The following SOCS4 variants were observed in gnomAD, a reference collection of about 807,000 sequenced individuals.
The protein encoded by SOCS4 is suppressor of cytokine signaling 4.
A neutral mutation model predicts 34.1 loss-of-function variants in SOCS4; 20 were observed. That is an observed-to-expected ratio of 0.59 (90% CI 0.41 to 0.85). The LOEUF is 0.85. Ranked by LOEUF, SOCS4 falls within the 40% of genes least tolerant of loss-of-function variation. SOCS4 has a pLI of 0.00. For synonymous variants in SOCS4, 180 were observed against 186.4 expected, an observed-to-expected ratio of 0.97 and a Z score of 0.28; for missense variants, 479 against 532.4, an observed-to-expected ratio of 0.90 and a Z score of 0.99.
chr14:55,030,361 A>C (rs1197223917), intron 1 of SOCS4, among the ~76,000 whole-genome samples: 1 of 152,160 alleles, frequency 6.6e-6, no homozygotes, highest in Admixed American at 6.5e-5. Flanking sequence ...TAAAGAATTT[A>C]AAACTTTTTA....
At chr14:55,030,635 A>G (rs1004680712) in intron 1 of SOCS4, among the ~76,000 whole-genome samples, 5 of 152,198 alleles carry the variant, frequency 3.3e-5, no homozygotes, top group Non-Finnish European at 7.4e-5. Flanking sequence ...ATTTCTTTTC[A>G]TTAAGTTCAG....
intron 2 of SOCS4, among the ~76,000 whole-genome samples, chr14:55,041,510 G>T: frequency 6.7e-6 from 1 of 150,140 alleles, no homozygotes; most frequent in African/African-American, 2.5e-5. Flanking sequence ...ACAGAGTCTT[G>T]CTCTGTCACC....
chr14:55,030,136 A>T (rs2042515904), intron 1 of SOCS4, among the ~76,000 whole-genome samples: 2 of 152,208 alleles, frequency 1.3e-5, no homozygotes, highest in Non-Finnish European at 2.9e-5. Flanking sequence ...TCTCCAAATC[A>T]TAGCTGTTGC....
At chr14:55,029,099 T>A (rs2042504985) in intron 1 of SOCS4, among the ~76,000 whole-genome samples, 1 of 152,218 alleles carries the variant, frequency 6.6e-6, no homozygotes, top group African/African-American at 2.4e-5. Context: ...GTTTTCACAA[T>A]TCCATTTGTT....
In SOCS4 at chr14:55,043,716, T is replaced by C. The variant is rs758885318; in HGVS notation, c.675T>C (p.Asp225=). ...TGGTTTCAAATAACAGTATAGAAGA[T>C]AGTGATATGGATTCCGATGATGAAA... ...MNLVSNNSIE[D]SDMDSDDEIL... Residue 225 remains aspartate, a synonymous_variant, in exon 3 of 3, where the codon GAT becomes GAC. Transcript: ENST00000555846. 1 of 1,614,116 alleles carries C rather than the reference T, an allele frequency of 6.2e-7. No homozygotes were observed. Among genetic ancestry groups the C allele is most frequent in the Non-Finnish European group, 8.5e-7 (1 of 1,180,004 alleles).
intron 2 of SOCS4, among the ~76,000 whole-genome samples, chr14:55,040,216 T>C (rs1270760766): frequency 6.6e-6 from 1 of 152,202 alleles, no homozygotes; most frequent in African/African-American, 2.4e-5. Context: ...GAAATACTTT[T>C]CCTTAAAGAT....
In SOCS4 at chr14:55,033,545, C is replaced by T. The variant is rs141553589; in HGVS notation, c.-91+1554C>T. ...GTAATTGTTAAGATGTTACCTATGCCGAAAAGTGAATGATTAAATGTATGT... is the reference window on the plus strand; with the variant it reads ...GTAATTGTTAAGATGTTACCTATGCTGAAAAGTGAATGATTAAATGTATGT... On this transcript the variant is annotated intron_variant, in intron 2 of 2. Transcript: ENST00000555846. Among the ~76,000 whole-genome samples, 1,178 of 152,052 alleles carry T rather than the reference C, an allele frequency of 7.7e-3. 8 individuals carry two copies. Among genetic ancestry groups the T allele is most frequent in the Middle Eastern group, 0.024 (7 of 294 alleles).
intron 2 of SOCS4, among the ~76,000 whole-genome samples, chr14:55,040,080 T>C (rs1430370874): frequency 6.6e-6 from 1 of 152,256 alleles, no homozygotes; most frequent in Non-Finnish European, 1.5e-5. Flanking sequence ...ACTCTTCATA[T>C]TCTTCAGCCC....
At chr14:55,029,856 A>C (rs983823475) in intron 1 of SOCS4, among the ~76,000 whole-genome samples, 2 of 152,154 alleles carry the variant, frequency 1.3e-5, no homozygotes, top group Non-Finnish European at 2.9e-5. Flanking sequence ...ACTTAATATG[A>C]TATAAAAGGC....
chr14:55,028,644 A>G (rs1350654229), intron 1 of SOCS4, among the ~76,000 whole-genome samples: 2 of 152,200 alleles, frequency 1.3e-5, no homozygotes, highest in African/African-American at 4.8e-5. Context: ...TGCCTTCACT[A>G]TAATATCTGT....
At chr14:55,034,396 T>C (rs1204039841) in intron 2 of SOCS4, among the ~76,000 whole-genome samples, 1 of 152,206 alleles carries the variant, frequency 6.6e-6, no homozygotes, top group Non-Finnish European at 1.5e-5. Context: ...ACATTCTGGA[T>C]CATATATTGA....
chr14:55,031,603 T>C (rs1433828508), intron 1 of SOCS4, among the ~76,000 whole-genome samples: 8 of 152,086 alleles, frequency 5.3e-5, no homozygotes, highest in Non-Finnish European at 8.8e-5. Flanking sequence ...ATAAGCAAAC[T>C]ATAATTAGGA....
At chr14:55,028,222 G>T (rs935564137) in intron 1 of SOCS4, among the ~76,000 whole-genome samples, 4 of 152,046 alleles carry the variant, frequency 2.6e-5, no homozygotes, top group Non-Finnish European at 4.4e-5. Context: ...TGTTCTTACC[G>T]TGGGTGGCAT....
At chr14:55,036,413 G>A (rs984125105) in intron 2 of SOCS4, among the ~76,000 whole-genome samples, 4 of 150,448 alleles carry the variant, frequency 2.7e-5, no homozygotes, top group African/African-American at 9.8e-5. Flanking sequence ...GCATGATCTT[G>A]GCTCACTGCA....
chr14:55,036,438 G>T (rs1251799533), intron 2 of SOCS4, among the ~76,000 whole-genome samples: 3 of 151,794 alleles, frequency 2.0e-5, no homozygotes, highest in African/African-American at 7.3e-5. Flanking sequence ...CTGCCTCCAG[G>T]GTTCAAGTGA....
rs746996750 is a variant in SOCS4 at position 55,044,177 on chromosome 14, C to G, written c.1136C>G (p.Thr379Ser). The G allele has an allele frequency of 1.2e-6, 2 of 1,614,112 alleles. No individual in the cohort carries two copies. The highest frequency in any genetic ancestry group is 2.2e-5 in the South Asian group (2 of 91,078). The stretch of plus-strand genomic sequence containing the variant: ...ATGTTCTTTGAACCACTTCTATCCA[C>G]TCCCTTAATTCGGACTTTCCCTTTT... Reference protein sequence around the residue: ...ACMFFEPLLSTPLIRTFPFSL... With the variant: ...ACMFFEPLLSSPLIRTFPFSL... The change falls in exon 3 of 3, where the codon ACT becomes AGT. Residue 379 changes from threonine to serine, a missense_variant. Thr to Ser is a moderately conservative substitution (Grantham distance 58). Transcript: ENST00000555846.
At chr14:55,037,375 C>T (rs929518032) in intron 2 of SOCS4, among the ~76,000 whole-genome samples, 19 of 151,228 alleles carry the variant, frequency 1.3e-4, no homozygotes, top group Non-Finnish European at 2.7e-4. Flanking sequence ...GAACTCCTGA[C>T]CTGATGATCC....
intron 2 of SOCS4, among the ~76,000 whole-genome samples, chr14:55,040,006 A>G (rs140008673): frequency 2.0e-5 from 3 of 152,374 alleles, no homozygotes; most frequent in Non-Finnish European, 2.9e-5. Flanking sequence ...TAGAGGTCAC[A>G]CTCATAAGTG....
rs1221235491 is a variant in SOCS4, at chr14:55,043,954, G to A, written c.913G>A (p.Glu305Lys). 6.2e-7 allele frequency: 1 copy of A among 1,614,066 alleles called. No individual in the cohort carries two copies. Among genetic ancestry groups the A allele is most frequent in the Non-Finnish European group, 8.5e-7 (1 of 1,180,028 alleles). ...AAEALLEGKP[E>K]GTFLLRDSAQ... is the part of the protein sequence containing the mutation. ...CGAAGCACTACTGGAAGGAAAACCA[G>A]AGGGTACCTTTTTACTTCGAGACTC... The change falls in exon 3 of 3, where the codon GAG (glutamate) becomes AAG (lysine). Residue 305 changes from glutamate (E) to lysine (K), a missense_variant. Glu to Lys is a moderately conservative substitution (Grantham distance 56). Coordinates refer to ENST00000555846, the MANE Select transcript of SOCS4 (RefSeq NM_199421.2).
Sources: gnomAD v4.1 joint callset for allele counts (sites outside exome capture counted in the v4.1 genomes callset) on GRCh38, gnomAD v4.1.1 for gene constraint, MANE v1.5 for transcripts, NCBI Gene and HGNC (gene_info 2026-07-23, HGNC 2026-07-21) for gene names.